TRIM69: variants seen among roughly 807,000 people sequenced by gnomAD.
TRIM69 encodes E3 ubiquitin-protein ligase TRIM69.
TRIM69 carries 29 observed loss-of-function variants against 37.7 expected under a neutral mutation model. That is an observed-to-expected ratio of 0.77 (90% CI 0.57 to 1.05). TRIM69 has a LOEUF of 1.05. TRIM69 is among the 50% of genes least tolerant of loss of function. TRIM69 has a pLI of 0.00. For synonymous variants in TRIM69, 209 were observed against 212.4 expected, an observed-to-expected ratio of 0.98 and a Z score of 0.14; for missense variants, 596 against 579.9, an observed-to-expected ratio of 1.03 and a Z score of -0.28.
intron 3 of TRIM69, 28 bp from the exon 4 acceptor site, chr15:44,758,593 C>T: frequency 6.2e-7 from 1 of 1,612,742 alleles, no homozygotes; most frequent in Non-Finnish European, 8.5e-7. Context: ...TCTGCAATAA[C>T]CATGGTGATA....
chr15:44,759,877 C>A lies in TRIM69; in HGVS notation c.961+5C>A. 6.2e-7 allele frequency: 1 copy of A among 1,608,898 alleles called. No individual in the cohort carries two copies. The highest frequency in any genetic ancestry group is 8.5e-7 in the Non-Finnish European group (1 of 1,175,938). On this transcript the variant is annotated splice_donor_5th_base_variant and intron_variant, in intron 6 of 6. Transcript: ENST00000329464. ...TGCAGGACACTCTCTGCCCAGGTAT[C>A]AGTGGGTAGTAACTATTGGTTCTTG...
At chr15:44,745,412 C>CA (rs2087384729) in intron 1 of TRIM69, among the ~76,000 whole-genome samples, 1 of 151,954 alleles carries the variant, frequency 6.6e-6, no homozygotes, top group Non-Finnish European at 1.5e-5. Flanking sequence ...CAAGAAGTAA[C>CA]AAAAAACCCC....
At chr15:44,765,306 G>A (rs16974273) in intron 6 of TRIM69, among the ~76,000 whole-genome samples, 7,750 of 152,188 alleles carry the variant, frequency 0.051, 233 homozygotes, top group South Asian at 0.095. Flanking sequence ...AGCAAAGAGA[G>A]CAGAGTGGGA....
intron 6 of TRIM69, 94 bp downstream of exon 6, chr15:44,759,966 C>G (rs1305801755): frequency 6.9e-7 from 1 of 1,452,474 alleles, no homozygotes; most frequent in African/African-American, 1.4e-5. Context: ...TTTTTACAGT[C>G]TGGGATAGGG....
chr15:44,737,626 A>G (rs1178641239), intron 1 of TRIM69, among the ~76,000 whole-genome samples: 1 of 152,066 alleles, frequency 6.6e-6, no homozygotes, highest in Non-Finnish European at 1.5e-5. Flanking sequence ...ATTTCTTTCA[A>G]CTCTGGGAAG....
At chr15:44,746,742 G>A (rs1364120209) in intron 1 of TRIM69, among the ~76,000 whole-genome samples, 6 of 89,722 alleles carry the variant, frequency 6.7e-5, no homozygotes, top group Non-Finnish European at 1.2e-4. Context: ...CTCCCAGCAC[G>A]TGCACGTGCA....
intron 6 of TRIM69, among the ~76,000 whole-genome samples, chr15:44,761,149 A>G (rs1376564352): frequency 6.6e-6 from 1 of 151,832 alleles, no homozygotes; most frequent in Admixed American, 6.6e-5. Flanking sequence ...CGATCTCCTG[A>G]CCTCGTGATC....
At position 44,736,680 on chromosome 15, in the gene TRIM69, C is replaced by G; in HGVS notation, c.-25C>G. 6.2e-7 allele frequency: 1 copy of G among 1,611,756 alleles called. No individual in the cohort carries two copies. Among genetic ancestry groups the G allele is most frequent in the Non-Finnish European group, 8.5e-7 (1 of 1,179,046 alleles). On this transcript the variant is annotated 5_prime_UTR_variant, in exon 1 of 7. Coordinates refer to ENST00000329464, the MANE Select transcript of TRIM69 (RefSeq NM_182985.5). The stretch of plus-strand genomic sequence containing the variant: ...TGAGCTCTGATTCAAGTGCCTGCCT[C>G]TGCCCCTTGGTGGGCTGAAGCTTCA...
chr15:44,756,364 C>T lies in TRIM69; in HGVS notation c.484-4C>T, dbSNP rs565159435. 3 of 1,545,466 alleles carry T rather than the reference C, an allele frequency of 1.9e-6. No homozygotes were observed. The South Asian group carries it at 3.6e-5, about 18-fold the overall frequency. On this transcript the variant is annotated splice_polypyrimidine_tract_variant and splice_region_variant and intron_variant, in intron 2 of 6. Transcript: ENST00000329464. ...TCTGGGTTAATTCTATTTGATATTC[C>T]CAGGAGGAGCTTGCCATCCAACAGG... is the stretch of plus-strand genomic sequence containing the variant.
At chr15:44,753,337 G>A (rs2087574466) in intron 1 of TRIM69, 1 of 152,060 alleles carries the variant, frequency 6.6e-6, no homozygotes, top group Non-Finnish European at 1.5e-5. Context: ...GTCTTGCCAT[G>A]TTGTTCCTGG....
At chr15:44,740,252 A>G (rs2087252524) in intron 1 of TRIM69, among the ~76,000 whole-genome samples, 1 of 152,236 alleles carries the variant, frequency 6.6e-6, no homozygotes, top group Admixed American at 6.5e-5. Flanking sequence ...GTCAAAGACC[A>G]AAAGTAGATA....
chr15:44,755,229 T>C lies in TRIM69; in HGVS notation c.336T>C (p.His112=), dbSNP rs2087619361. 6.2e-7 allele frequency: 1 copy of C among 1,614,204 alleles called. No individual in the cohort carries two copies. The highest frequency in any genetic ancestry group is 8.5e-7 in the Non-Finnish European group (1 of 1,180,038). The change falls in exon 2 of 7, where the codon CAT becomes CAC. Residue 112 remains histidine, a synonymous_variant. Transcript: ENST00000329464. Reference sequence around the variant, plus strand: ...AGAAGTTACCCTTACTCAAGGGCCATCCACAGTGCCCAGAGCATGGAGAGA... The same window carrying C: ...AGAAGTTACCCTTACTCAAGGGCCACCCACAGTGCCCAGAGCATGGAGAGA... ...KIKKLPLLKG[H]PQCPEHGENL...
chr15:44,749,353 T>C (rs2087473216), intron 1 of TRIM69, among the ~76,000 whole-genome samples: 1 of 152,212 alleles, frequency 6.6e-6, no homozygotes, highest in South Asian at 2.1e-4. Context: ...GGAAACCCCA[T>C]GACCAGTCAC....
intron 1 of TRIM69, chr15:44,753,218 A>G (rs2087571968): frequency 6.6e-6 from 1 of 152,182 alleles, no homozygotes; most frequent in Non-Finnish European, 1.5e-5. Flanking sequence ...TAAGACTACT[A>G]GACAACTCCT....
At chr15:44,765,004 G>C (rs1456733306) in intron 6 of TRIM69, among the ~76,000 whole-genome samples, 3 of 152,308 alleles carry the variant, frequency 2.0e-5, no homozygotes, top group African/African-American at 7.2e-5. Context: ...AAACATAAGA[G>C]TATGCTGAGC....
At chr15:44,766,395 T>G (rs545551850) in intron 6 of TRIM69, among the ~76,000 whole-genome samples, 32 of 152,328 alleles carry the variant, frequency 2.1e-4, no homozygotes, top group African/African-American at 7.2e-4. Context: ...AACCTCTCAC[T>G]ATTGTCCTCT....
At chr15:44,756,327 C>T (rs987121534) in intron 2 of TRIM69, 41 bp from the exon 3 acceptor site, 1 of 1,404,126 alleles carries the variant, frequency 7.1e-7, no homozygotes, top group Non-Finnish European at 9.8e-7. Context: ...GGTCCTTCAT[C>T]TCCCGAGTTA....
In TRIM69 at chr15:44,755,185, A is replaced by G; in HGVS notation, c.292A>G (p.Lys98Glu). Reference sequence around the variant, plus strand: ...CTGTACATTCAACCCTGTACTGGACAAGTTGGTAGAGAAGATTAAGAAGTT... The same window carrying G: ...CTGTACATTCAACCCTGTACTGGACGAGTTGGTAGAGAAGATTAAGAAGTT... ...NNCTFNPVLD[K>E]LVEKIKKLPL... The change falls in exon 2 of 7, where the codon AAG becomes GAG. Residue 98 changes from lysine to glutamate, a missense_variant. Physicochemically the swap from Lys to Glu is moderately conservative, Grantham distance 56. Transcript: ENST00000329464. The G allele has an allele frequency of 1.2e-6, 2 of 1,614,224 alleles. No individual in the cohort carries two copies. The highest frequency in any genetic ancestry group is 1.7e-6 in the Non-Finnish European group (2 of 1,180,056).
chr15:44,745,512 T>C (rs1040747892), intron 1 of TRIM69, among the ~76,000 whole-genome samples: 25 of 152,068 alleles, frequency 1.6e-4, no homozygotes, highest in African/African-American at 5.8e-4. Context: ...AATAAGAACA[T>C]ATGGCCCATG....
Sources: allele counts gnomAD v4.1 joint callset (sites outside exome capture counted in the v4.1 genomes callset), GRCh38; gene constraint gnomAD v4.1.1; transcripts MANE v1.5; gene names NCBI Gene and HGNC (gene_info 2026-07-23, HGNC 2026-07-21).